The following FRMD4B variants were observed in gnomAD, a reference collection of about 807,000 sequenced individuals.
FRMD4B encodes the protein FERM domain containing 4B.
A neutral mutation model predicts 141.5 loss-of-function variants in FRMD4B; 74 were observed. That is an observed-to-expected ratio of 0.52 (90% confidence interval 0.43 to 0.63). The LOEUF (loss-of-function observed/expected upper bound fraction) is 0.63, where lower values mean the gene tolerates loss of function less well. Among genes scored for constraint, FRMD4B ranks in the 30% least tolerant of loss-of-function variants. The pLI is 0.00. For synonymous variants in FRMD4B, 506 were observed against 467.9 expected, an observed-to-expected ratio of 1.08 and a Z score of -1.05; for missense variants, 1,366 against 1,253.4, an observed-to-expected ratio of 1.09 and a Z score of -1.36.
intron 19 of FRMD4B, 115 bp downstream of exon 19, chr3:69,187,655 A>G (rs2092784667): frequency 2.1e-6 from 2 of 968,218 alleles, no homozygotes; most frequent in Non-Finnish European, 3.0e-6. Context: ...ACAAGATAAC[A>G]TCTTTTGGAA....
intron 1 of FRMD4B, among the ~76,000 whole-genome samples, chr3:69,483,923 G>C (rs181245984): frequency 7.5e-4 from 114 of 152,194 alleles, no homozygotes; most frequent in African/African-American, 2.7e-3. Context: ...TGAGGTTTTT[G>C]TCGGTTCAGC....
At chr3:69,215,554 G>A (rs983177707) in intron 11 of FRMD4B, among the ~76,000 whole-genome samples, 1 of 151,892 alleles carries the variant, frequency 6.6e-6, no homozygotes, top group African/African-American at 2.4e-5. Flanking sequence ...GCCTCCCAAA[G>A]TGCTGGGATT....
At chr3:69,240,771 A>T (rs1239427368) in intron 7 of FRMD4B, among the ~76,000 whole-genome samples, 1 of 152,134 alleles carries the variant, frequency 6.6e-6, no homozygotes, top group African/African-American at 2.4e-5. Flanking sequence ...TTATGTTATC[A>T]CTTAGTGTGT....
intron 7 of FRMD4B, among the ~76,000 whole-genome samples, chr3:69,229,360 T>C (rs2093284778): frequency 6.6e-6 from 1 of 152,124 alleles, no homozygotes; most frequent in African/African-American, 2.4e-5. Context: ...GAACATGGCC[T>C]TATTTCTTCA....
At chr3:69,389,133 A>G (rs967025446), upstream of FRMD4B, among the ~76,000 whole-genome samples, 7 of 151,046 alleles carry the variant, frequency 4.6e-5, no homozygotes, top group African/African-American at 1.7e-4. Context: ...TCCCGGGTTC[A>G]AGTGATTCTC....
At chr3:69,493,540 G>C (rs1440177652) in intron 1 of FRMD4B, among the ~76,000 whole-genome samples, 2 of 152,190 alleles carry the variant, frequency 1.3e-5, no homozygotes, top group Non-Finnish European at 2.9e-5. Context: ...ACAAAGTAAG[G>C]AAACATTTTA....
chr3:69,253,301 C>T (rs542772495), intron 5 of FRMD4B, among the ~76,000 whole-genome samples: 25 of 151,058 alleles, frequency 1.7e-4, no homozygotes, highest in Non-Finnish European at 3.4e-4. Context: ...GTGCTCTTTC[C>T]ACTCTACCAT....
At chr3:69,184,314 TA>T (rs776475174) in intron 19 of FRMD4B, among the ~76,000 whole-genome samples, 1 of 152,244 alleles carries the variant, frequency 6.6e-6, no homozygotes. Flanking sequence ...CATACATATT[TA>T]TTTTTTAACA....
At chr3:69,342,957 T>C (rs1702787282) in intron 1 of FRMD4B, among the ~76,000 whole-genome samples, 1 of 152,094 alleles carries the variant, frequency 6.6e-6, no homozygotes, top group Non-Finnish European at 1.5e-5. Context: ...TTTTAAAATA[T>C]TTTATTTTTA....
At chr3:69,263,354 T>C (rs1025984479) in intron 5 of FRMD4B, among the ~76,000 whole-genome samples, 3 of 151,702 alleles carry the variant, frequency 2.0e-5, no homozygotes, top group Non-Finnish European at 2.9e-5. Context: ...CCAGTAATCT[T>C]CTGTTTCCTT....
At chr3:69,303,673 G>A (rs984972410) in intron 3 of FRMD4B, among the ~76,000 whole-genome samples, 4 of 152,152 alleles carry the variant, frequency 2.6e-5, no homozygotes, top group Admixed American at 6.5e-5. Context: ...TCTAGCACTT[G>A]TAATCCTAGC....
At chr3:69,320,570 G>A (rs1354653941) in intron 1 of FRMD4B, among the ~76,000 whole-genome samples, 1 of 151,944 alleles carries the variant, frequency 6.6e-6, no homozygotes, top group African/African-American at 2.4e-5. Context: ...GTCTCTAAAA[G>A]CAAAAACCAA....
At chr3:69,287,498 T>C (rs934667193) in intron 5 of FRMD4B, 16 of 448,850 alleles carry the variant, frequency 3.6e-5, no homozygotes, top group African/African-American at 3.2e-4. Flanking sequence ...GTGTCGATTA[T>C]TTGCTGGATT....
intron 3 of FRMD4B, among the ~76,000 whole-genome samples, chr3:69,310,253 T>C (rs990291806): frequency 2.0e-5 from 3 of 152,292 alleles, no homozygotes; most frequent in African/African-American, 7.2e-5. Flanking sequence ...CCACCCAGGC[T>C]GGGAATAATC....
At chr3:69,470,318 T>C (rs773801789) in intron 1 of FRMD4B, among the ~76,000 whole-genome samples, 4 of 152,180 alleles carry the variant, frequency 2.6e-5, no homozygotes, top group Non-Finnish European at 4.4e-5. Flanking sequence ...ACTAAAACGT[T>C]TGGTTTGTCT....
rs900976644 is a variant in FRMD4B, at chr3:69,169,391, G to A, written c.*2470C>T. ...TTTTTTTTTTCTTGAGACAAGGTCT[G>A]TTATTGCCTAGGCTGGAATGCAGTG... On this transcript the variant is annotated 3_prime_UTR_variant, in exon 23 of 23. Coordinates refer to ENST00000398540, the MANE Select transcript of FRMD4B (RefSeq NM_015123.3). Among the ~76,000 whole-genome samples, 36 of 111,424 alleles carry A rather than the reference G, an allele frequency of 3.2e-4. No individual in the cohort carries two copies. The highest frequency in any genetic ancestry group is 1.2e-3 in the African/African-American group (36 of 29,266). 73.1% of individuals were successfully genotyped at this position (111,424 alleles called of 152,430 possible).
chr3:69,431,054 G>A (rs1345836652), intron 2 of FRMD4B, among the ~76,000 whole-genome samples: 2 of 152,234 alleles, frequency 1.3e-5, no homozygotes, highest in East Asian at 3.9e-4. Context: ...TGCAGTGGGT[G>A]CAAAAAATCC....
intron 22 of FRMD4B, among the ~76,000 whole-genome samples, chr3:69,174,402 A>G (rs2092621731): frequency 6.6e-6 from 1 of 152,228 alleles, no homozygotes; most frequent in Non-Finnish European, 1.5e-5. Context: ...TGTATGTACA[A>G]TATCATTATA....
intron 1 of FRMD4B, among the ~76,000 whole-genome samples, chr3:69,481,788 C>T (rs1276724479): frequency 1.3e-5 from 2 of 152,180 alleles, no homozygotes; most frequent in Non-Finnish European, 2.9e-5. Context: ...AGAAGGGCTT[C>T]AGTTGACCTT....
Sources: allele counts gnomAD v4.1 joint callset (sites outside exome capture counted in the v4.1 genomes callset), GRCh38; gene constraint gnomAD v4.1.1; transcripts MANE v1.5; gene names NCBI Gene and HGNC (gene_info 2026-07-23, HGNC 2026-07-21).